SLC14A2: variants seen among roughly 807,000 people sequenced by gnomAD.
SLC14A2 encodes solute carrier family 14 member 2.
Under a neutral mutation model 104.6 loss-of-function variants are expected in SLC14A2, and 91 were observed. That is an observed-to-expected ratio of 0.87 (90% CI 0.73 to 1.04). The LOEUF (loss-of-function observed/expected upper bound fraction) is 1.04, where lower values mean the gene tolerates loss of function less well. Among genes scored for constraint, SLC14A2 ranks in the 50% least tolerant of loss-of-function variants. The pLI is 0.00. For synonymous variants in SLC14A2, 476 were observed against 466.4 expected, an observed-to-expected ratio of 1.02 and a Z score of -0.27; for missense variants, 1,189 against 1,156.0, an observed-to-expected ratio of 1.03 and a Z score of -0.41.
intron 1 of SLC14A2, among the ~76,000 whole-genome samples, chr18:45,392,138 C>A (rs1749939055): frequency 6.6e-6 from 1 of 152,212 alleles, no homozygotes; most frequent in Admixed American, 6.5e-5. Flanking sequence ...AGAATCCTCA[C>A]CCCTGTGCTG....
chr18:45,265,774 A>C (rs1386681525), intron 1 of SLC14A2, among the ~76,000 whole-genome samples: 2 of 152,204 alleles, frequency 1.3e-5, no homozygotes, highest in Non-Finnish European at 2.9e-5. Flanking sequence ...AGACAAAGGT[A>C]ATTTATAAGC....
intron 2 of SLC14A2, among the ~76,000 whole-genome samples, chr18:45,520,948 C>A (rs1251571340): frequency 6.6e-6 from 1 of 152,106 alleles, no homozygotes; most frequent in Non-Finnish European, 1.5e-5. Context: ...GGGTGCTTCC[C>A]CAGCAGTGGG....
At chr18:45,527,182 AT>A (rs1165672542) in intron 2 of SLC14A2, among the ~76,000 whole-genome samples, 1 of 152,166 alleles carries the variant, frequency 6.6e-6, no homozygotes, top group Non-Finnish European at 1.5e-5. Flanking sequence ...GTCCTGGAGA[AT>A]TTAGGTGCTC....
chr18:45,542,852 T>A (rs1323441339), intron 2 of SLC14A2, among the ~76,000 whole-genome samples: 3 of 152,100 alleles, frequency 2.0e-5, no homozygotes, highest in Non-Finnish European at 4.4e-5. Context: ...TGGCCTCTTA[T>A]CCCTGGGCTG....
the SLC14A2 span, among the ~76,000 whole-genome samples, chr18:45,178,305 A>G: frequency 6.6e-6 from 1 of 152,222 alleles, no homozygotes; most frequent in South Asian, 2.1e-4. Flanking sequence ...AATTCAGTCT[A>G]CATAAAAGAG....
intron 1 of SLC14A2, among the ~76,000 whole-genome samples, chr18:45,297,965 T>C (rs556951801): frequency 6.6e-6 from 1 of 152,226 alleles, no homozygotes; most frequent in African/African-American, 2.4e-5. Flanking sequence ...TCAAAAGAAG[T>C]TCACTTTAAA....
chr18:45,402,038 G>C (rs937658254), intron 1 of SLC14A2, among the ~76,000 whole-genome samples: 1 of 152,124 alleles, frequency 6.6e-6, no homozygotes, highest in Non-Finnish European at 1.5e-5. Context: ...AAAATCTGCC[G>C]AAGCTTCCCC....
chr18:45,240,233 A>C (rs1250964184), intron 1 of SLC14A2, among the ~76,000 whole-genome samples: 1 of 150,310 alleles, frequency 6.7e-6, no homozygotes, highest in Admixed American at 6.7e-5. Flanking sequence ...AGTGGCTGGG[A>C]CTACAGGCAT....
intron 1 of SLC14A2, among the ~76,000 whole-genome samples, chr18:45,422,310 G>A (rs867604879): frequency 6.6e-6 from 1 of 152,238 alleles, no homozygotes; most frequent in African/African-American, 2.4e-5. Context: ...GGTGTGGTCT[G>A]TGAATATAGA....
intron 2 of SLC14A2, among the ~76,000 whole-genome samples, chr18:45,541,907 G>A: frequency 6.6e-6 from 1 of 152,230 alleles, no homozygotes; most frequent in Admixed American, 6.5e-5. Context: ...GCACAAAATA[G>A]GTACTTGTGT....
At chr18:45,200,750 T>C in the SLC14A2 span, among the ~76,000 whole-genome samples, 1 of 152,172 alleles carries the variant, frequency 6.6e-6, no homozygotes. Context: ...TGTAGATTTC[T>C]TTTTTTAAAA....
intron 1 of SLC14A2, among the ~76,000 whole-genome samples, chr18:45,234,740 C>T (rs934827800): frequency 6.6e-6 from 1 of 152,176 alleles, no homozygotes; most frequent in African/African-American, 2.4e-5. Context: ...GTTGGGAAAC[C>T]GTATCTGCCT....
chr18:45,451,157 G>C (rs2144611881), intron 1 of SLC14A2, among the ~76,000 whole-genome samples: 1 of 152,252 alleles, frequency 6.6e-6, no homozygotes. Flanking sequence ...GTCAATATTG[G>C]CAGCTGTAAG....
chr18:45,666,176 A>G lies in SLC14A2; in HGVS notation c.1514A>G (p.Asp505Gly). The change falls in exon 12 of 20, where the codon GAC becomes GGC. Residue 505 changes from aspartate (D) to glycine (G), a missense_variant. Coordinates refer to ENST00000255226, the MANE Select transcript of SLC14A2 (RefSeq NM_007163.4). Reference sequence around the variant, plus strand: ...GAACACCAGGAAAGACAAAACAAAGACCCATTTCCCTATCGATACCGGAAG... The same window carrying G: ...GAACACCAGGAAAGACAAAACAAAGGCCCATTTCCCTATCGATACCGGAAG... ...KGEHQERQNKDPFPYRYRKPT... is the reference protein window; with the variant it reads ...KGEHQERQNKGPFPYRYRKPT... 1 of 1,613,898 alleles carries G rather than the reference A, an allele frequency of 6.2e-7. No individual in the cohort carries two copies. The highest frequency in any genetic ancestry group is 8.5e-7 in the Non-Finnish European group (1 of 1,179,850).
At chr18:45,323,122 G>T (rs185108043) in intron 1 of SLC14A2, among the ~76,000 whole-genome samples, 193 of 152,248 alleles carry the variant, frequency 1.3e-3, no homozygotes, top group Non-Finnish European at 2.5e-3. Context: ...TTTTTTCAGA[G>T]TAAACTAATT....
At position 45,641,452 on chromosome 18, in the gene SLC14A2, A is replaced by G. The variant is rs933960428; in HGVS notation, c.1126+109A>G. ...ATCAATACTGTTCAGCAGTGACAGA[A>G]AGGCCAATGGCTTGCGTCCTAATGC... On this transcript the variant is annotated intron_variant, in intron 8 of 19. Transcript: ENST00000255226. The G allele has an allele frequency of 1.9e-5, 25 of 1,287,434 alleles. No individual in the cohort carries two copies. In the South Asian group the frequency reaches 2.6e-4, roughly 13 times the overall value. The allele number at this position is 1,287,434 out of a possible 1,614,324, so 79.8% of individuals were successfully genotyped here.
the SLC14A2 span, among the ~76,000 whole-genome samples, chr18:45,207,791 C>T: frequency 6.6e-6 from 1 of 151,478 alleles, no homozygotes; most frequent in Non-Finnish European, 1.5e-5. Flanking sequence ...TCTAGTATTG[C>T]ATTTTTTTTA....
intron 1 of SLC14A2, among the ~76,000 whole-genome samples, chr18:45,264,621 C>T (rs1156798404): frequency 6.6e-6 from 1 of 152,098 alleles, no homozygotes; most frequent in East Asian, 1.9e-4. Context: ...TCATGTCTTT[C>T]GTGGGGACAG....
At chr18:45,640,368 A>T (rs1456547531) in intron 7 of SLC14A2, among the ~76,000 whole-genome samples, 1 of 152,116 alleles carries the variant, frequency 6.6e-6, no homozygotes, top group African/African-American at 2.4e-5. Context: ...TGCTGGAGAG[A>T]CACAGGGGTA....
Sources: gnomAD v4.1 joint callset for allele counts (sites outside exome capture counted in the v4.1 genomes callset) on GRCh38, gnomAD v4.1.1 for gene constraint, MANE v1.5 for transcripts, NCBI Gene and HGNC (gene_info 2026-07-23, HGNC 2026-07-21) for gene names.